RABEP1: variants seen among roughly 807,000 people sequenced by gnomAD.
RABEP1 encodes rab GTPase-binding effector protein 1.
A neutral mutation model predicts 123.4 loss-of-function variants in RABEP1; 51 were observed. The ratio of observed to expected loss-of-function variants is 0.41; its 90% CI spans 0.33 to 0.52. RABEP1 has a LOEUF of 0.52. RABEP1 is among the 20% of genes least tolerant of loss of function. RABEP1 has a pLI of 0.16. For missense variants in RABEP1, 888 were observed against 996.3 expected (o/e 0.89, Z 1.46); for synonymous variants, 347 against 355.2 (o/e 0.98, Z 0.26).
At chr17:5,379,807 C>T (rs781759142) in intron 15 of RABEP1, among the ~76,000 whole-genome samples, 40 of 152,288 alleles carry the variant, frequency 2.6e-4, no homozygotes, top group Non-Finnish European at 4.1e-4. Context: ...AAAGCCCTCC[C>T]GTAGTTCCCT....
chr17:5,317,626 G>GATATATATATATATATATATATAT (rs56165368), intron 2 of RABEP1, among the ~76,000 whole-genome samples: 26 of 149,590 alleles, frequency 1.7e-4, no homozygotes, highest in Admixed American at 8.6e-4. Flanking sequence ...TACTGGAAAG[G>GATATATATATATATATATATATAT]ATATATATAT....
chr17:5,323,161 T>C (rs1415320899), intron 2 of RABEP1, among the ~76,000 whole-genome samples: 3 of 152,170 alleles, frequency 2.0e-5, no homozygotes, highest in African/African-American at 7.2e-5. Context: ...CAGCACCTCT[T>C]TATGATACAA....
At position 5,367,892 on chromosome 17, in the gene RABEP1, A is replaced by ATT. The variant is rs1267484347; in HGVS notation, c.1786-477_1786-476insTT. Among the ~76,000 whole-genome samples, 17 of 150,460 alleles carry ATT rather than the reference A, an allele frequency of 1.1e-4. No individual in the cohort carries two copies. In the East Asian group the frequency reaches 2.5e-3, roughly 22 times the overall value. On this transcript the variant is annotated intron_variant, in intron 11 of 17. Coordinates refer to ENST00000537505, the MANE Select transcript of RABEP1 (RefSeq NM_004703.6). ...TGCCTCAGCCTCCCGAGTAGCTGGA[A>ATT]TACAGGTGCCCGCCACCACACCCAG...
chr17:5,355,225 T>C (rs1908913676), intron 8 of RABEP1, among the ~76,000 whole-genome samples: 1 of 152,220 alleles, frequency 6.6e-6, no homozygotes, highest in Admixed American at 6.5e-5. Context: ...TTAAGGCCCT[T>C]CATCATCTGG....
At chr17:5,381,620 C>A in intron 17 of RABEP1, 115 bp downstream of exon 17, 1 of 1,442,684 alleles carries the variant, frequency 6.9e-7, no homozygotes, top group Non-Finnish European at 9.1e-7. Flanking sequence ...CTGGCTGCTC[C>A]TACCTCCACC....
intron 15 of RABEP1, among the ~76,000 whole-genome samples, chr17:5,379,670 ACT>A (rs1175755406): frequency 6.6e-6 from 1 of 151,966 alleles, no homozygotes; most frequent in East Asian, 1.9e-4. Context: ...TTCAGACTTC[ACT>A]CTCACCTGGC....
chr17:5,298,472 T>G (rs997241351), intron 1 of RABEP1, among the ~76,000 whole-genome samples: 22 of 152,204 alleles, frequency 1.4e-4, no homozygotes, highest in Middle Eastern at 3.2e-3. Context: ...AACCAGAGAT[T>G]ATGATATTCT....
At chr17:5,353,085 G>C (rs948326726) in intron 7 of RABEP1, among the ~76,000 whole-genome samples, 2 of 152,158 alleles carry the variant, frequency 1.3e-5, no homozygotes, top group African/African-American at 4.8e-5. Context: ...TCTGATTCCA[G>C]AGTCTAAGTG....
In RABEP1 at chr17:5,380,479, T is replaced by A. The variant is rs1175379354; in HGVS notation, c.2370+17T>A. ...GCTGCTAAGGTAGTGTTTTCATTAG[T>A]CATTTAATTTTAAAAAGCAGGGCTA... On this transcript the variant is annotated intron_variant, in intron 16 of 17. Transcript: ENST00000537505. 1 of 1,490,146 alleles carries A rather than the reference T, an allele frequency of 6.7e-7. No individual in the cohort carries two copies. Among genetic ancestry groups the A allele is most frequent in the Non-Finnish European group, 9.2e-7 (1 of 1,092,014 alleles). The allele number at this position is 1,490,146 out of a possible 1,614,324, so 92.3% of individuals were successfully genotyped here.
rs1597374541 is a variant in RABEP1, at chr17:5,347,002, A to G, written c.784+77A>G. The stretch of plus-strand genomic sequence containing the variant: ...ATTGATGTTGACTAATAACAGTGAC[A>G]AATCTTAAAATAACAATGCAACATG... On this transcript the variant is annotated intron_variant, in intron 6 of 17. Transcript: ENST00000537505. 4 of 1,166,816 alleles carry G rather than the reference A, an allele frequency of 3.4e-6. No homozygotes were observed. The African/African-American group carries it at 6.3e-5, about 18-fold the overall frequency. 72.3% of individuals were successfully genotyped at this position (1,166,816 alleles called of 1,614,324 possible).
At chr17:5,296,948 A>G (rs1213644185) in intron 1 of RABEP1, among the ~76,000 whole-genome samples, 1 of 151,992 alleles carries the variant, frequency 6.6e-6, no homozygotes, top group Non-Finnish European at 1.5e-5. Context: ...CATGTTGCTC[A>G]GACTGGTCTC....
chr17:5,378,296 G>C, intron 15 of RABEP1, 64 bp downstream of exon 15: 1 of 1,405,080 alleles, frequency 7.1e-7, no homozygotes, highest in Non-Finnish European at 1.0e-6. Context: ...CTCCTACTAT[G>C]CTGCACCCAA....
intron 11 of RABEP1, among the ~76,000 whole-genome samples, chr17:5,367,714 C>T (rs1597390182): frequency 6.6e-6 from 1 of 150,758 alleles, no homozygotes; most frequent in African/African-American, 2.4e-5. Context: ...TTTTTTTGTG[C>T]TAAATTCTGC....
intron 1 of RABEP1, among the ~76,000 whole-genome samples, chr17:5,295,912 A>G (rs935145235): frequency 1.3e-5 from 2 of 152,090 alleles, no homozygotes; most frequent in Admixed American, 6.6e-5. Flanking sequence ...TAAATCTTCT[A>G]CTGTTTTCTT....
rs1239921033 is a variant in RABEP1, at chr17:5,385,685, T to C, written c.*2462T>C. 4.3e-6 allele frequency: 1 copy of C among 231,226 alleles called. No individual in the cohort carries two copies. Among genetic ancestry groups the C allele is most frequent in the Non-Finnish European group, 8.6e-6 (1 of 116,946 alleles). The allele number at this position is 231,226 out of a possible 1,614,324, so 14.3% of individuals were successfully genotyped here. On this transcript the variant is annotated 3_prime_UTR_variant, in exon 18 of 18. Coordinates refer to ENST00000537505, the MANE Select transcript of RABEP1 (RefSeq NM_004703.6). The stretch of plus-strand genomic sequence containing the variant: ...AGCTTGTGAGGAAGTGAGCCAGCAG[T>C]GGCCTTTGCAATTGTGGATCTTGAG...
At chr17:5,351,961 A>C (rs1908594309) in intron 7 of RABEP1, among the ~76,000 whole-genome samples, 1 of 152,022 alleles carries the variant, frequency 6.6e-6, no homozygotes, top group Non-Finnish European at 1.5e-5. Context: ...CATCTCAAAT[A>C]ATCTTGCAGC....
chr17:5,289,567 A>AATTT (rs2075013404), intron 1 of RABEP1, among the ~76,000 whole-genome samples: 1 of 151,912 alleles, frequency 6.6e-6, no homozygotes, highest in Admixed American at 6.6e-5. Context: ...ATCCATTTGC[A>AATTT]ATTTATTTAT....
At chr17:5,365,649 G>A (rs1361014376) in intron 11 of RABEP1, among the ~76,000 whole-genome samples, 1 of 151,766 alleles carries the variant, frequency 6.6e-6, no homozygotes, top group African/African-American at 2.4e-5. Flanking sequence ...TCAAGCAATA[G>A]AATATTAGCT....
intron 4 of RABEP1, 141 bp from the exon 5 acceptor site, chr17:5,337,878 C>T: frequency 1.3e-6 from 1 of 768,548 alleles, no homozygotes; most frequent in Admixed American, 3.8e-5. Context: ...GAAAGTTAGA[C>T]ATTAGTTCAG....
Sources: gnomAD v4.1 joint callset for allele counts (sites outside exome capture counted in the v4.1 genomes callset) on GRCh38, gnomAD v4.1.1 for gene constraint, MANE v1.5 for transcripts, NCBI Gene and HGNC (gene_info 2026-07-23, HGNC 2026-07-21) for gene names.